The following SLC6A16 variants were observed in gnomAD, a reference collection of about 807,000 sequenced individuals.
SLC6A16 encodes the protein solute carrier family 6 member 16.
Under a neutral mutation model 65.4 loss-of-function variants are expected in SLC6A16, and 54 were observed. The observed-to-expected ratio is 0.83, with a 90% CI of 0.66 to 1.04. The LOEUF (loss-of-function observed/expected upper bound fraction) is 1.04, where lower values mean the gene tolerates loss of function less well. Ranked by LOEUF, SLC6A16 falls within the 50% of genes least tolerant of loss-of-function variation. The probability of loss-of-function intolerance (pLI) is 0.00; values close to 1 mark genes in which losing one functional copy is unlikely to be tolerated. For missense variants in SLC6A16, 816 were observed against 914.0 expected, an observed-to-expected ratio of 0.89 and a Z score of 1.38; for synonymous variants, 330 against 346.5, an observed-to-expected ratio of 0.95 and a Z score of 0.53.
the SLC6A16 span, chr19:49,331,698 G>A: frequency 2.2e-5 from 10 of 455,490 alleles, no homozygotes; most frequent in South Asian, 1.5e-4. Context: ...AAAGAGTAAG[G>A]ATTATGGAGG....
chr19:49,290,965 C>G (rs1317858197), intron 10 of SLC6A16, among the ~76,000 whole-genome samples, 198 bp from the exon 11 acceptor site: 1 of 152,216 alleles, frequency 6.6e-6, no homozygotes, highest in Admixed American at 6.5e-5. Context: ...CCAAACACCC[C>G]TCTCCTGCTC....
chr19:49,329,854 C>T (rs1970831768), upstream of SLC6A16, among the ~76,000 whole-genome samples: 1 of 151,918 alleles, frequency 6.6e-6, no homozygotes, highest in Non-Finnish European at 1.5e-5. Context: ...AGGATGGTCT[C>T]GATCTCCTGA....
intron 7 of SLC6A16, among the ~76,000 whole-genome samples, chr19:49,308,256 T>C (rs1395427708): frequency 1.3e-5 from 2 of 151,910 alleles, no homozygotes; most frequent in Admixed American, 1.3e-4. Flanking sequence ...ATCGAGACCA[T>C]CCTGGCTAAC....
the SLC6A16 span, chr19:49,336,869 G>GGCACACAGGAGC: frequency 6.2e-7 from 1 of 1,609,968 alleles, no homozygotes; most frequent in Admixed American, 1.7e-5. Flanking sequence ...GCCTGGAGCT[G>GGCACACAGGAGC]TGCCACACAG....
At chr19:49,336,910 C>G in the SLC6A16 span, 1 of 1,613,962 alleles carries the variant, frequency 6.2e-7, no homozygotes, top group Non-Finnish European at 8.5e-7. Flanking sequence ...CTCTCCCAGG[C>G]TTGGCCTTCG....
chr19:49,317,515 TG>T (rs1970632400), intron 1 of SLC6A16, among the ~76,000 whole-genome samples: 1 of 151,716 alleles, frequency 6.6e-6, no homozygotes, highest in Non-Finnish European at 1.5e-5. Context: ...ACTACAAAAC[TG>T]TACAAATAGG....
At chr19:49,312,643 G>A (rs1338222488) in intron 1 of SLC6A16, 3 of 781,362 alleles carry the variant, frequency 3.8e-6, no homozygotes, top group Non-Finnish European at 4.7e-6. Flanking sequence ...AAGAGAGGAA[G>A]AGAGAGGGGA....
chr19:49,323,844 G>T (rs936431832), intron 1 of SLC6A16, among the ~76,000 whole-genome samples: 12 of 152,146 alleles, frequency 7.9e-5, no homozygotes, highest in African/African-American at 2.9e-4. Context: ...ATATGATCCA[G>T]CAATTCCACT....
At chr19:49,329,884 C>T (rs1311800553), upstream of SLC6A16, among the ~76,000 whole-genome samples, 6 of 152,018 alleles carry the variant, frequency 3.9e-5, no homozygotes, top group Non-Finnish European at 7.4e-5. Context: ...CCGCCCGCCT[C>T]GGCCTCCCAA....
rs536909742 is a variant in SLC6A16 at position 49,322,817 on chromosome 19, C to CTTTTTTT, written c.-65+2224_-65+2230dup. Among the ~76,000 whole-genome samples the CTTTTTTT allele has an allele frequency of 1.7e-4, 7 of 42,006 alleles. 2 individuals are homozygous for CTTTTTTT. Among genetic ancestry groups the CTTTTTTT allele is most frequent in the Non-Finnish European group, 3.1e-4 (7 of 22,318 alleles). The allele number at this position is 42,006 out of a possible 152,430, so 27.6% of individuals were successfully genotyped here. ...CCAAAGCAATCTACAGAATTAGTAG[C>CTTTTTTT]TTTTTTTTTTTTTTTTTTTTTTTTT... On this transcript the variant is annotated intron_variant, in intron 1 of 11. Coordinates refer to ENST00000335875, the MANE Select transcript of SLC6A16 (RefSeq NM_014037.3).
At chr19:49,293,419 T>G (rs1568524120) in intron 9 of SLC6A16, 37 bp from the exon 10 acceptor site, 1 of 1,608,954 alleles carries the variant, frequency 6.2e-7, no homozygotes, top group East Asian at 2.2e-5. Flanking sequence ...AGGTTAGAAG[T>G]CACGGCTGGG....
At chr19:49,293,568 C>T (rs1470749124) in intron 9 of SLC6A16, among the ~76,000 whole-genome samples, 186 bp from the exon 10 acceptor site, 1 of 152,064 alleles carries the variant, frequency 6.6e-6, no homozygotes. Context: ...AGTCTGAGAC[C>T]AGCCAGGCAA....
At position 49,305,592 on chromosome 19, in the gene SLC6A16, CA is replaced by C. The variant is rs566209079; in HGVS notation, c.1229+3283del. 7.9e-3 allele frequency among the ~76,000 whole-genome samples: 849 copies of C among 106,984 alleles called. 7 individuals carry two copies. The highest frequency in any genetic ancestry group is 0.028 in the African/African-American group (736 of 26,452). 70.2% of individuals were successfully genotyped at this position (106,984 alleles called of 152,430 possible). On this transcript the variant is annotated intron_variant, in intron 7 of 11. Coordinates refer to ENST00000335875, the MANE Select transcript of SLC6A16 (RefSeq NM_014037.3). ...GGGTGACAAAAGCAAAGATCTGTCT[CA>C]AAAAAAAAAAAAAAAAAGAAGAAGA... is the stretch of plus-strand genomic sequence containing the variant.
chr19:49,328,607 C>T (rs904924024), upstream of SLC6A16, among the ~76,000 whole-genome samples: 2 of 152,062 alleles, frequency 1.3e-5, no homozygotes, highest in Non-Finnish European at 2.9e-5. Flanking sequence ...AGAATAGAGC[C>T]GACATGATGT....
chr19:49,338,844 T>C, the SLC6A16 span: 3 of 1,614,142 alleles, frequency 1.9e-6, no homozygotes, highest in Non-Finnish European at 2.5e-6. This position sits in a 1 kb window ranked among gnomAD's most constrained non-coding sequence, Gnocchi z 5.0. Context: ...TAAGGTGATC[T>C]TGCCCCAGCT....
At chr19:49,340,190 C>G in the SLC6A16 span, 1 of 1,509,624 alleles carries the variant, frequency 6.6e-7, no homozygotes, top group South Asian at 1.1e-5. Flanking sequence ...CCCGGGTGGG[C>G]ATCACCCCCG....
intron 1 of SLC6A16, among the ~76,000 whole-genome samples, chr19:49,324,480 G>C (rs1297519513): frequency 6.6e-6 from 1 of 152,160 alleles, no homozygotes; most frequent in Non-Finnish European, 1.5e-5. Context: ...TTGAGCCCCA[G>C]GCGGACTCCT....
At chr19:49,306,889 A>G (rs1177114266) in intron 7 of SLC6A16, among the ~76,000 whole-genome samples, 1 of 152,002 alleles carries the variant, frequency 6.6e-6, no homozygotes, top group African/African-American at 2.4e-5. Context: ...CTACTAAGCA[A>G]TATAGTAACC....
upstream of SLC6A16, among the ~76,000 whole-genome samples, chr19:49,330,045 G>A (rs1425601778): frequency 6.6e-6 from 1 of 151,232 alleles, no homozygotes; most frequent in Non-Finnish European, 1.5e-5. Flanking sequence ...TTGAGCCCAG[G>A]AGATTGAGGC....
Sources: allele counts gnomAD v4.1 joint callset (sites outside exome capture counted in the v4.1 genomes callset), GRCh38; gene constraint gnomAD v4.1.1; non-coding constraint Gnocchi (gnomAD v3.1); transcripts MANE v1.5; gene names NCBI Gene and HGNC (gene_info 2026-07-23, HGNC 2026-07-21).